MMP16: variants seen among roughly 807,000 people sequenced by gnomAD.
The protein encoded by MMP16 is matrix metalloproteinase-16.
MMP16 carries 12 observed loss-of-function variants against 67.8 expected under a neutral mutation model. The observed-to-expected ratio is 0.18, with a 90% CI of 0.11 to 0.29. The LOEUF (loss-of-function observed/expected upper bound fraction) is 0.29. Ranked by LOEUF, MMP16 falls within the 10% of genes least tolerant of loss-of-function variation. The probability of loss-of-function intolerance (pLI) is 1.00; values close to 1 mark genes in which losing one functional copy is unlikely to be tolerated. For missense variants in MMP16, 475 were observed against 765.7 expected (o/e 0.62, Z 4.48); for synonymous variants, 249 against 255.9 (o/e 0.97, Z 0.26).
At chr8:88,218,076 C>T (rs1052915506) in intron 1 of MMP16, among the ~76,000 whole-genome samples, 2 of 151,990 alleles carry the variant, frequency 1.3e-5, no homozygotes, top group Admixed American at 1.3e-4. Context: ...CTTCTGACTT[C>T]TACTCTTTAT....
intron 4 of MMP16, among the ~76,000 whole-genome samples, chr8:88,141,685 G>A (rs1032644468): frequency 2.6e-5 from 4 of 152,084 alleles, no homozygotes; most frequent in Non-Finnish European, 4.4e-5. Context: ...ATTATTATTT[G>A]CAATTTATTA....
intron 6 of MMP16, among the ~76,000 whole-genome samples, chr8:88,086,845 T>C (rs1808841835): frequency 6.6e-6 from 1 of 151,958 alleles, no homozygotes; most frequent in African/African-American, 2.4e-5. Flanking sequence ...TTACCTTGTT[T>C]ATTTGTTCAC....
At chr8:88,184,937 C>T (rs563425177) in intron 3 of MMP16, among the ~76,000 whole-genome samples, 5 of 151,930 alleles carry the variant, frequency 3.3e-5, no homozygotes, top group African/African-American at 1.2e-4. Context: ...ACTTTCTTAA[C>T]TCTGTTTTGG....
chr8:88,257,783 G>A (rs550671424), intron 1 of MMP16, among the ~76,000 whole-genome samples: 1 of 152,052 alleles, frequency 6.6e-6, no homozygotes, highest in African/African-American at 2.4e-5. Flanking sequence ...CTTACCTTAT[G>A]GGTTATACTA....
intron 1 of MMP16, among the ~76,000 whole-genome samples, chr8:88,317,535 T>C (rs1811392411): frequency 6.6e-6 from 1 of 152,188 alleles, no homozygotes; most frequent in South Asian, 2.1e-4. Context: ...ACCAAGAAGT[T>C]CATGTCACTC....
chr8:88,219,675 A>C (rs1388224401), intron 1 of MMP16, among the ~76,000 whole-genome samples: 1 of 152,140 alleles, frequency 6.6e-6, no homozygotes, highest in East Asian at 1.9e-4. Context: ...ATAAAACTTC[A>C]AACTATGCAA....
At chr8:88,042,619 C>T (rs28988875) in intron 9 of MMP16, among the ~76,000 whole-genome samples, 6 of 152,096 alleles carry the variant, frequency 3.9e-5, no homozygotes, top group Admixed American at 3.9e-4. Context: ...CATAAATCTA[C>T]AATTCTATTT....
At chr8:88,133,300 G>T (rs1304300428) in intron 4 of MMP16, among the ~76,000 whole-genome samples, 1 of 147,924 alleles carries the variant, frequency 6.8e-6, no homozygotes, top group Admixed American at 6.8e-5. Context: ...AAATTATACA[G>T]CTCTGACTTG....
chr8:88,311,995 G>A (rs1020990292), intron 1 of MMP16, among the ~76,000 whole-genome samples: 1 of 152,156 alleles, frequency 6.6e-6, no homozygotes, highest in South Asian at 2.1e-4. Context: ...GCAGAAAACT[G>A]GGGATTTGGT....
At chr8:88,130,330 C>T (rs558391558) in intron 4 of MMP16, among the ~76,000 whole-genome samples, 26 of 151,794 alleles carry the variant, frequency 1.7e-4, no homozygotes, top group African/African-American at 6.3e-4. Context: ...CTAGTATTCA[C>T]ACAGCAAATT....
chr8:88,275,800 C>T, intron 1 of MMP16, among the ~76,000 whole-genome samples: 1 of 152,020 alleles, frequency 6.6e-6, no homozygotes, highest in South Asian at 2.1e-4. Context: ...CACTGCTTAC[C>T]TACATTATAA....
At chr8:88,261,283 A>T (rs946201875) in intron 1 of MMP16, among the ~76,000 whole-genome samples, 1 of 152,114 alleles carries the variant, frequency 6.6e-6, no homozygotes, top group Admixed American at 6.5e-5. Flanking sequence ...ATTTATTGAG[A>T]TTATAAAACA....
At chr8:88,175,435 T>C (rs150039949) in intron 3 of MMP16, among the ~76,000 whole-genome samples, 153 of 152,322 alleles carry the variant, frequency 1.0e-3, no homozygotes, top group Middle Eastern at 3.4e-3. Flanking sequence ...AGAAAATGAT[T>C]GTATAATGCT....
chr8:88,221,070 C>T (rs1183193267), intron 1 of MMP16, among the ~76,000 whole-genome samples: 1 of 151,866 alleles, frequency 6.6e-6, no homozygotes, highest in Non-Finnish European at 1.5e-5. Flanking sequence ...AGCTTCAGGA[C>T]TTAGGAATAC....
At chr8:88,090,653 A>G (rs893657967) in intron 6 of MMP16, among the ~76,000 whole-genome samples, 1 of 123,020 alleles carries the variant, frequency 8.1e-6, no homozygotes, top group Non-Finnish European at 1.7e-5. Context: ...ATTTTAATTA[A>G]AAAAATTACT....
intron 1 of MMP16, among the ~76,000 whole-genome samples, chr8:88,239,386 TTTAAC>T (rs1225280886): frequency 5.3e-5 from 8 of 152,132 alleles, no homozygotes; most frequent in African/African-American, 1.4e-4. Flanking sequence ...ATCTTCAAGT[TTTAAC>T]TTGTCATCGA....
intron 7 of MMP16, among the ~76,000 whole-genome samples, chr8:88,059,081 T>C (rs1381178103): frequency 2.0e-5 from 3 of 152,108 alleles, no homozygotes; most frequent in Admixed American, 2.0e-4. Flanking sequence ...GAGTCTGAGA[T>C]GTCAATGAGA....
At chr8:88,066,148 C>A (rs1020094294) in intron 7 of MMP16, among the ~76,000 whole-genome samples, 1 of 152,060 alleles carries the variant, frequency 6.6e-6, no homozygotes, top group African/African-American at 2.4e-5. Context: ...CTGATTCTGA[C>A]AACACTAGCA....
At chr8:88,155,257 G>A (rs891011477) in intron 4 of MMP16, among the ~76,000 whole-genome samples, 1 of 152,012 alleles carries the variant, frequency 6.6e-6, no homozygotes, top group Non-Finnish European at 1.5e-5. Context: ...ATTTAATAAT[G>A]CAAAGGACAT....
Sources: gnomAD v4.1 joint callset for allele counts (sites outside exome capture counted in the v4.1 genomes callset) on GRCh38, gnomAD v4.1.1 for gene constraint, MANE v1.5 for transcripts, NCBI Gene and HGNC (gene_info 2026-07-23, HGNC 2026-07-21) for gene names.